The following NRG3 variants were observed in gnomAD, a reference collection of about 807,000 sequenced individuals.
The protein encoded by NRG3 is neuregulin 3.
In NRG3, 31 loss-of-function variants were observed where a neutral mutation model predicts 66.9. The observed-to-expected ratio is 0.46, with a 90% CI of 0.35 to 0.63. NRG3 has a LOEUF of 0.63. Ranked by LOEUF, NRG3 falls within the 20% of genes least tolerant of loss-of-function variation. The pLI is 0.00. For missense variants in NRG3, 910 were observed against 878.9 expected (o/e 1.04, Z -0.45); for synonymous variants, 393 against 359.4 (o/e 1.09, Z -1.06).
At chr10:82,296,781 T>C (rs1289823675) in intron 1 of NRG3, among the ~76,000 whole-genome samples, 1 of 152,008 alleles carries the variant, frequency 6.6e-6, no homozygotes, top group East Asian at 1.9e-4. Context: ...TGTATGTATT[T>C]TTTTTTTTTA....
chr10:82,360,120 C>T (rs1195880599), intron 2 of NRG3, among the ~76,000 whole-genome samples: 1 of 152,176 alleles, frequency 6.6e-6, no homozygotes, highest in Admixed American at 6.5e-5. Flanking sequence ...GCTGCATTCA[C>T]CCTAGTTACA....
chr10:82,191,095 G>C (rs781266149), intron 1 of NRG3, among the ~76,000 whole-genome samples: 2 of 152,048 alleles, frequency 1.3e-5, no homozygotes, highest in African/African-American at 2.4e-5. Flanking sequence ...AAAGCAGGAT[G>C]AGCTTGTTAG....
At chr10:82,897,457 C>CT (rs1013606109) in intron 4 of NRG3, among the ~76,000 whole-genome samples, 19 of 151,500 alleles carry the variant, frequency 1.3e-4, no homozygotes, top group Admixed American at 4.6e-4. Context: ...CCCAAGGCTT[C>CT]TTTTTTTTTC....
At chr10:82,364,127 C>G (rs968002656) in intron 2 of NRG3, among the ~76,000 whole-genome samples, 1 of 152,104 alleles carries the variant, frequency 6.6e-6, no homozygotes, top group Non-Finnish European at 1.5e-5. Flanking sequence ...ACTCCTGCCT[C>G]TAGTCTTTCC....
rs147808455 is a variant in NRG3 at position 81,959,314 on chromosome 10, A to G, written c.823+83151A>G. 3.0e-3 allele frequency among the ~76,000 whole-genome samples: 458 copies of G among 152,298 alleles called. 3 individuals carry two copies. The highest frequency in any genetic ancestry group is 0.01 in the African/African-American group (435 of 41,560). ...TACTACCCCCAAGAATTCCCAGTCT[A>G]TGAAATAATACATATCCTCATGGTT... On this transcript the variant is annotated intron_variant, in intron 1 of 8. Transcript: ENST00000372141.
At chr10:82,474,400 A>C (rs958621196) in intron 2 of NRG3, among the ~76,000 whole-genome samples, 9 of 152,198 alleles carry the variant, frequency 5.9e-5, no homozygotes, top group African/African-American at 2.2e-4. Flanking sequence ...CAAAATGAGA[A>C]TATCAACAAA....
chr10:82,605,493 T>C (rs1447619131), intron 2 of NRG3, among the ~76,000 whole-genome samples: 3 of 152,090 alleles, frequency 2.0e-5, no homozygotes, highest in African/African-American at 7.2e-5. Context: ...ATATTTTTGA[T>C]AATTTTTATA....
At chr10:82,097,661 T>G (rs1260626018) in intron 1 of NRG3, among the ~76,000 whole-genome samples, 1 of 151,942 alleles carries the variant, frequency 6.6e-6, no homozygotes, top group East Asian at 1.9e-4. Context: ...ATATGATACA[T>G]GCATGTTTAA....
chr10:82,825,622 C>T (rs761976526), intron 3 of NRG3, among the ~76,000 whole-genome samples: 1 of 152,166 alleles, frequency 6.6e-6, no homozygotes, highest in Non-Finnish European at 1.5e-5. Flanking sequence ...CCCAGCTTTG[C>T]TCTAAAATCT....
chr10:82,882,410 A>C (rs960539249), intron 4 of NRG3, among the ~76,000 whole-genome samples: 1 of 152,172 alleles, frequency 6.6e-6, no homozygotes, highest in African/African-American at 2.4e-5. Context: ...AGTTTTCTTG[A>C]CGGTAGATGT....
intron 1 of NRG3, among the ~76,000 whole-genome samples, chr10:82,090,973 G>A (rs543821630): frequency 6.6e-6 from 1 of 152,220 alleles, no homozygotes; most frequent in South Asian, 2.1e-4. Flanking sequence ...ACGGTGCAGT[G>A]TGAAGCATTT....
chr10:82,489,192 A>G (rs375334081), intron 2 of NRG3, among the ~76,000 whole-genome samples: 1 of 152,316 alleles, frequency 6.6e-6, no homozygotes, highest in Admixed American at 6.5e-5. Flanking sequence ...ATGCAGAGCT[A>G]GTTGATTCGG....
chr10:82,211,522 C>T (rs777985278), intron 1 of NRG3, among the ~76,000 whole-genome samples: 21 of 152,170 alleles, frequency 1.4e-4, no homozygotes, highest in Middle Eastern at 3.4e-3. Flanking sequence ...GCAATCCCTC[C>T]AGAGGCTGAA....
intron 2 of NRG3, among the ~76,000 whole-genome samples, chr10:82,501,160 A>C (rs903768283): frequency 2.0e-5 from 3 of 152,102 alleles, no homozygotes; most frequent in African/African-American, 4.8e-5. Context: ...TTTGGAAGAG[A>C]TCAGGACATT....
chr10:82,866,810 A>G (rs1840787639), intron 4 of NRG3, among the ~76,000 whole-genome samples: 1 of 152,194 alleles, frequency 6.6e-6, no homozygotes, highest in African/African-American at 2.4e-5. Context: ...GAGGAGTTAT[A>G]GGAGATGACA....
chr10:82,091,823 T>C (rs556390218), intron 1 of NRG3, among the ~76,000 whole-genome samples: 2 of 152,230 alleles, frequency 1.3e-5, no homozygotes, highest in South Asian at 4.1e-4. Flanking sequence ...TGTGATTTTG[T>C]GTTTTTATTT....
intron 4 of NRG3, among the ~76,000 whole-genome samples, chr10:82,888,536 A>G (rs1842901002): frequency 6.6e-6 from 1 of 152,160 alleles, no homozygotes; most frequent in African/African-American, 2.4e-5. Flanking sequence ...AGTAGATAGC[A>G]TGATACATCT....
chr10:82,972,991 G>C (rs530343697), intron 6 of NRG3, among the ~76,000 whole-genome samples: 1 of 152,116 alleles, frequency 6.6e-6, no homozygotes, highest in Non-Finnish European at 1.5e-5. Context: ...ATTTTGATTA[G>C]CATCCTTAAA....
intron 2 of NRG3, among the ~76,000 whole-genome samples, chr10:82,418,151 T>C (rs931377059): frequency 1.3e-5 from 2 of 152,204 alleles, no homozygotes; most frequent in Non-Finnish European, 2.9e-5. Context: ...TCAGCTCCTA[T>C]AGTACCAGTG....
Sources: allele counts gnomAD v4.1 joint callset (sites outside exome capture counted in the v4.1 genomes callset), GRCh38; gene constraint gnomAD v4.1.1; transcripts MANE v1.5; gene names NCBI Gene and HGNC (gene_info 2026-07-23, HGNC 2026-07-21).